Variants in EPGN observed in about 807,000 individuals in gnomAD.
EPGN encodes the protein epithelial mitogen.
Under a neutral mutation model 20.7 loss-of-function variants are expected in EPGN, and 21 were observed. That is an observed-to-expected ratio of 1.01 (90% CI 0.72 to 1.46). EPGN has a LOEUF of 1.46. Among genes scored for constraint, EPGN ranks in the 40% most tolerant of loss-of-function variants. The pLI is 0.00. For missense variants in EPGN, 199 were observed against 180.7 expected, an observed-to-expected ratio of 1.10 and a Z score of -0.58; for synonymous variants, 69 against 63.8, an observed-to-expected ratio of 1.08 and a Z score of -0.39.
In EPGN at chr4:74,313,142, G is replaced by A; in HGVS notation, c.379G>A (p.Val127Ile). ...GVGLLLSGFL[V>I]IFYCYIRKRC... ...TGGATTACTATTAAGTGGTTTTCTT[G>A]TTATTTTTTACTGCTATATAAGAAA... The change falls in exon 4 of 5, where the codon GTT (valine) becomes ATT (isoleucine). Residue 127 changes from valine (V) to isoleucine (I), a missense_variant. Val to Ile is a conservative substitution (Grantham distance 29, BLOSUM62 3). Coordinates refer to ENST00000413830, the MANE Select transcript of EPGN (RefSeq NM_001270989.2). 6.2e-7 allele frequency: 1 copy of A among 1,611,298 alleles called. No homozygotes were observed. The highest frequency in any genetic ancestry group is 8.5e-7 in the Non-Finnish European group (1 of 1,179,196).
chr4:74,313,211 C>A, intron 4 of EPGN, 41 bp downstream of exon 4: 1 of 1,582,220 alleles, frequency 6.3e-7, no homozygotes, highest in Non-Finnish European at 8.5e-7. Context: ...CATATGCAAT[C>A]GTTTGACAAA....
chr4:74,314,627 G>A lies in EPGN; in HGVS notation c.455G>A (p.Arg152Gln), dbSNP rs1751179591. The A allele has an allele frequency of 8.5e-6, 13 of 1,535,836 alleles. No homozygotes were observed. Among genetic ancestry groups the A allele is most frequent in the Middle Eastern group, 1.7e-4 (1 of 6,002 alleles). The change falls in exon 5 of 5, where the codon CGA (arginine) becomes CAA (glutamine). Residue 152 changes from arginine to glutamine, a missense_variant. By Grantham distance (43) the Arg-to-Gln change is conservative. Coordinates refer to ENST00000413830, the MANE Select transcript of EPGN (RefSeq NM_001270989.2). ...TACAATGTCTGTTCTGGAGAAAGAC[G>A]ACCACTGTGAGGCCTTTGTGAAGAA... ...SPYNVCSGERRPL is the reference protein window; with the variant it reads ...SPYNVCSGERQPL
chr4:74,314,114 C>T, intron 4 of EPGN: 2 of 456,564 alleles, frequency 4.4e-6, no homozygotes, highest in South Asian at 3.1e-5. Context: ...AGGGAGTACT[C>T]TACCTTTATT....
Position 74,314,687 on chromosome 4 carries a change from C to A in EPGN, c.*50C>A. ...AGGCATCTGTAGAGATCAGTGAGCC[C>A]AAAATTAAAGTTTTCAGATGAAACA... On this transcript the variant is annotated 3_prime_UTR_variant, in exon 5 of 5. Coordinates refer to ENST00000413830, the MANE Select transcript of EPGN (RefSeq NM_001270989.2). 2 of 1,492,428 alleles carry A rather than the reference C, an allele frequency of 1.3e-6. No homozygotes were observed. Among genetic ancestry groups the A allele is most frequent in the Non-Finnish European group, 1.8e-6 (2 of 1,114,816 alleles). 92.4% of individuals were successfully genotyped at this position (1,492,428 alleles called of 1,614,324 possible). A position where few individuals can be genotyped will look rare whatever the true frequency, so the allele number is the denominator to read the frequency against.
chr4:74,315,746 G>A lies in EPGN; in HGVS notation c.*1109G>A, dbSNP rs149423361. Among the ~76,000 whole-genome samples the A allele has an allele frequency of 0.022, 3,364 of 152,166 alleles. 134 individuals carry two copies. The highest frequency in any genetic ancestry group is 0.078 in the African/African-American group (3,219 of 41,498). ...GCGGATGGAGCACCTGAGGTCAGGA[G>A]TTTGAGACCAGCCTGGCCAACATGG... On this transcript the variant is annotated 3_prime_UTR_variant, in exon 5 of 5. Coordinates refer to ENST00000413830, the MANE Select transcript of EPGN (RefSeq NM_001270989.2).
Position 74,313,012 on chromosome 4 carries a change from T to C in EPGN, c.255-6T>C, listed in dbSNP as rs774697911. The C allele has an allele frequency of 6.3e-7, 1 of 1,581,036 alleles. No homozygotes were observed. Among genetic ancestry groups the C allele is most frequent in the East Asian group, 2.3e-5 (1 of 44,132 alleles). ...TTAAAATTAAACTTTTTTTCTTTTT[T>C]TAAAGGTGTTTTACTGGTTATACTG... On this transcript the variant is annotated splice_polypyrimidine_tract_variant and splice_region_variant and intron_variant, in intron 3 of 4. Coordinates refer to ENST00000413830, the MANE Select transcript of EPGN (RefSeq NM_001270989.2).
At chr4:74,310,804 C>G (rs997370131) in intron 2 of EPGN, among the ~76,000 whole-genome samples, 2 of 152,120 alleles carry the variant, frequency 1.3e-5, no homozygotes, top group Non-Finnish European at 2.9e-5. Flanking sequence ...TAAATCATCC[C>G]TTGATTAGTT....
Position 74,314,610 on chromosome 4 carries a change from C to G in EPGN, c.438C>G (p.Val146=). The stretch of plus-strand genomic sequence containing the variant: ...TAAAATTGAAATCGCCTTACAATGT[C>G]TGTTCTGGAGAAAGACGACCACTGT... ...RCLKLKSPYN[V]CSGERRPL is the part of the protein sequence containing the mutation. Residue 146 remains valine (V), a synonymous_variant, in exon 5 of 5, where the codon GTC becomes GTG. Coordinates refer to ENST00000413830, the MANE Select transcript of EPGN (RefSeq NM_001270989.2). 6.5e-7 allele frequency: 1 copy of G among 1,536,046 alleles called. No homozygotes were observed. The highest frequency in any genetic ancestry group is 2.4e-5 in the East Asian group (1 of 40,920).
At chr4:74,314,080 G>C in intron 4 of EPGN, 1 of 455,992 alleles carries the variant, frequency 2.2e-6, no homozygotes, top group South Asian at 1.5e-5. Context: ...TTCAGATAGA[G>C]ATTGCTGTGC....
intron 2 of EPGN, among the ~76,000 whole-genome samples, chr4:74,309,399 G>A (rs1050625154): frequency 5.3e-5 from 8 of 152,148 alleles, no homozygotes; most frequent in African/African-American, 1.9e-4. Context: ...TGAGACAAAA[G>A]CTGTCTTCAG....
At position 74,314,888 on chromosome 4, in the gene EPGN, T is replaced by C; in HGVS notation, c.*251T>C. 1.9e-6 allele frequency: 1 copy of C among 516,524 alleles called. No individual in the cohort carries two copies. The highest frequency in any genetic ancestry group is 3.4e-6 in the Non-Finnish European group (1 of 290,468). 32.0% of individuals were successfully genotyped at this position (516,524 alleles called of 1,614,324 possible). A position where few individuals can be genotyped will look rare whatever the true frequency, so the allele number is the denominator to read the frequency against. ...ATTCATAGTTTCACTCTGGGTTTTT[T>C]GTTGTTGTGTGGTTATTATTCTCAC... On this transcript the variant is annotated 3_prime_UTR_variant, in exon 5 of 5. Coordinates refer to ENST00000413830, the MANE Select transcript of EPGN (RefSeq NM_001270989.2).
chr4:74,314,482 GACACCAAGAGCA>G (rs1246419497), intron 4 of EPGN, 86 bp from the exon 5 acceptor site: 7 of 1,199,950 alleles, frequency 5.8e-6, no homozygotes, highest in Non-Finnish European at 8.3e-6. Context: ...ATCTGGGTGG[GACACCAAGAGCA>G]ACTGCTGCAG....
At position 74,314,569 on chromosome 4, in the gene EPGN, C is replaced by G; in HGVS notation, c.408-11C>G. The G allele has an allele frequency of 1.3e-6, 2 of 1,535,656 alleles. No homozygotes were observed. The highest frequency in any genetic ancestry group is 1.2e-5 in the South Asian group (1 of 84,042). ...AGTCAAATTCATATGGAAACCAATGCTCTGTTTCAGGTGTCTAAAATTGAA... is the reference window on the plus strand; with the variant it reads ...AGTCAAATTCATATGGAAACCAATGGTCTGTTTCAGGTGTCTAAAATTGAA... On this transcript the variant is annotated splice_polypyrimidine_tract_variant and intron_variant, in intron 4 of 4. Coordinates refer to ENST00000413830, the MANE Select transcript of EPGN (RefSeq NM_001270989.2).
chr4:74,314,926 G>T lies in EPGN; in HGVS notation c.*289G>T. ...TTATTATTCTCACTACAGAAAGACT[G>T]AGTTTCATGCTCCTGGCTATGTCAG... On this transcript the variant is annotated 3_prime_UTR_variant, in exon 5 of 5. Transcript: ENST00000413830. 2.5e-6 allele frequency: 1 copy of T among 407,592 alleles called. No individual in the cohort carries two copies. Among genetic ancestry groups the T allele is most frequent in the Non-Finnish European group, 4.4e-6 (1 of 227,250 alleles). 25.2% of individuals were successfully genotyped at this position (407,592 alleles called of 1,614,324 possible).
chr4:74,308,589 CTTTTG>C lies in EPGN; in HGVS notation c.43+21_43+25del, dbSNP rs750995898. ...CTTTTATTCAACGGTAGGTAATTTC[CTTTTG>C]TTTTGTTAACTTTATATCAGTGTAA... On this transcript the variant is annotated intron_variant, in intron 1 of 4. Transcript: ENST00000413830. 23 of 1,607,124 alleles carry C rather than the reference CTTTTG, an allele frequency of 1.4e-5. No homozygotes were observed. The African/African-American group carries it at 2.0e-4, about 14-fold the overall frequency.
At position 74,312,299 on chromosome 4, in the gene EPGN, T is replaced by A. The variant is rs1188961451; in HGVS notation, c.248T>A (p.Ile83Asn). ...TTCCACCATGAGCTAGAGAAAGCCA[T>A]CTGCAGGTAAATGCAAAGAAATATC... ...CAFHHELEKA[I>N]CRCFTGYTGE... Residue 83 changes from isoleucine (I) to asparagine (N), a missense_variant, in exon 3 of 5, where the codon ATC becomes AAC. By Grantham distance (149) the Ile-to-Asn change is moderately radical. Coordinates refer to ENST00000413830, the MANE Select transcript of EPGN (RefSeq NM_001270989.2). The A allele has an allele frequency of 5.0e-6, 8 of 1,608,680 alleles. No homozygotes were observed. The highest frequency in any genetic ancestry group is 6.8e-6 in the Non-Finnish European group (8 of 1,178,394).
At chr4:74,312,047 A>G in intron 2 of EPGN, 138 bp from the exon 3 acceptor site, 1 of 901,672 alleles carries the variant, frequency 1.1e-6, no homozygotes, top group South Asian at 2.2e-5. Flanking sequence ...ACAACCTGCT[A>G]AGAGAATCAA....
chr4:74,313,443 A>C (rs1751099365), intron 4 of EPGN: 1 of 1,292,772 alleles, frequency 7.7e-7, no homozygotes, highest in East Asian at 3.0e-5. Context: ...ATTATAAATG[A>C]GGAGGACAGC....
chr4:74,310,316 G>T (rs1387304676), intron 2 of EPGN, among the ~76,000 whole-genome samples: 1 of 151,882 alleles, frequency 6.6e-6, no homozygotes, highest in Non-Finnish European at 1.5e-5. Flanking sequence ...ACAAAAATTA[G>T]CTGGACGTGG....
Sources: allele counts gnomAD v4.1 joint callset (sites outside exome capture counted in the v4.1 genomes callset), GRCh38; gene constraint gnomAD v4.1.1; transcripts MANE v1.5; gene names NCBI Gene and HGNC (gene_info 2026-07-23, HGNC 2026-07-21).